FAT3: variants seen among roughly 807,000 people sequenced by gnomAD.
FAT3 encodes FAT atypical cadherin 3.
In FAT3, 95 loss-of-function variants were observed where a neutral mutation model predicts 310.2. The ratio of observed to expected loss-of-function variants is 0.31; its 90% CI spans 0.26 to 0.36. The LOEUF (loss-of-function observed/expected upper bound fraction) is 0.36. Among genes scored for constraint, FAT3 ranks in the 10% least tolerant of loss-of-function variants. FAT3 has a pLI of 1.00. For missense variants in FAT3, 5,408 were observed against 5,715.6 expected, an observed-to-expected ratio of 0.95 and a Z score of 1.74; for synonymous variants, 2,314 against 2,192.9, an observed-to-expected ratio of 1.06 and a Z score of -1.54.
chr11:92,861,220 C>T (rs1451468713), intron 21 of FAT3, among the ~76,000 whole-genome samples: 1 of 152,202 alleles, frequency 6.6e-6, no homozygotes, highest in African/African-American at 2.4e-5. Context: ...ACGTGGGCCT[C>T]ACTGACCTTT....
intron 22 of FAT3, among the ~76,000 whole-genome samples, chr11:92,879,257 G>A (rs1440556833): frequency 3.9e-5 from 6 of 152,306 alleles, no homozygotes; most frequent in Admixed American, 6.5e-5. Context: ...TGTGGAATGC[G>A]TTCTAGTGAA....
At chr11:92,425,427 G>A (rs1287536303) in intron 2 of FAT3, among the ~76,000 whole-genome samples, 1 of 151,824 alleles carries the variant, frequency 6.6e-6, no homozygotes, top group Non-Finnish European at 1.5e-5. Flanking sequence ...TGGGATACAC[G>A]TACAGAACGT....
chr11:92,320,918 T>C (rs183028235), intron 1 of FAT3, among the ~76,000 whole-genome samples: 279 of 152,058 alleles, frequency 1.8e-3, no homozygotes, highest in African/African-American at 6.3e-3. Context: ...TAGACCATTT[T>C]CCCCCTTTTT....
chr11:92,593,182 C>T (rs796403552), intron 3 of FAT3, among the ~76,000 whole-genome samples: 3 of 130,626 alleles, frequency 2.3e-5, no homozygotes, highest in African/African-American at 9.2e-5. Context: ...TGTGTGCATA[C>T]CACATTTTTT....
chr11:92,576,863 A>C (rs1218890683), intron 3 of FAT3, among the ~76,000 whole-genome samples: 2 of 151,758 alleles, frequency 1.3e-5, no homozygotes, highest in Non-Finnish European at 2.9e-5. Flanking sequence ...TTTTTTAAAT[A>C]TCAATGTATA....
intron 20 of FAT3, among the ~76,000 whole-genome samples, chr11:92,858,148 C>T (rs565579897): frequency 6.6e-6 from 1 of 152,294 alleles, no homozygotes; most frequent in Non-Finnish European, 1.5e-5. Flanking sequence ...GCATTGAGTT[C>T]TAGAAATTCA....
At position 92,352,629 on chromosome 11, in the gene FAT3, C is replaced by G. The variant is rs1428285887; in HGVS notation, c.517C>G (p.Leu173Val). The G allele has an allele frequency of 6.2e-7, 1 of 1,613,808 alleles. No homozygotes were observed. The highest frequency in any genetic ancestry group is 1.1e-5 in the South Asian group (1 of 91,084). ...TGTTACCATAGCAGAAAGCACACCTCTAAGGACTAGTGTTGCCCAGGTGAC... is the reference window on the plus strand; with the variant it reads ...TGTTACCATAGCAGAAAGCACACCTGTAAGGACTAGTGTTGCCCAGGTGAC... The part of the protein sequence containing the change: ...YSVTIAESTP[L>V]RTSVAQVTAT... The change falls in exon 2 of 28, where the codon CTA becomes GTA. Residue 173 changes from leucine (L) to valine (V), a missense_variant. By Grantham distance (32) the Leu-to-Val change is conservative. Around this residue, in one of 5 missense-constraint regions of FAT3, gnomAD observed 4,588 missense variants for 4,809.8 expected, o/e 0.95. Coordinates refer to ENST00000525166, the MANE Select transcript of FAT3 (RefSeq NM_001367949.2).
chr11:92,527,177 G>A (rs1032429221), intron 3 of FAT3, among the ~76,000 whole-genome samples: 19 of 152,174 alleles, frequency 1.2e-4, no homozygotes, highest in African/African-American at 4.1e-4. Context: ...TGCTTGCTCT[G>A]TGCTTTCTAA....
At chr11:92,656,156 C>T (rs1412720239) in intron 3 of FAT3, among the ~76,000 whole-genome samples, 2 of 152,154 alleles carry the variant, frequency 1.3e-5, no homozygotes, top group Non-Finnish European at 2.9e-5. Context: ...CTCTTTTTGA[C>T]ATACGTTCCT....
intron 3 of FAT3, among the ~76,000 whole-genome samples, chr11:92,552,792 A>G (rs1162320990): frequency 6.6e-6 from 1 of 152,050 alleles, no homozygotes; most frequent in African/African-American, 2.4e-5. Flanking sequence ...AGAAAAAAAA[A>G]AAGAATTGTT....
intron 1 of FAT3, among the ~76,000 whole-genome samples, chr11:92,278,882 G>C (rs1946350375): frequency 6.6e-6 from 1 of 152,102 alleles, no homozygotes; most frequent in Non-Finnish European, 1.5e-5. Flanking sequence ...GTAGGATATG[G>C]TCCATGCCTG....
chr11:92,819,865 A>G lies in FAT3; in HGVS notation c.9481+9789A>G, dbSNP rs143240232. Among the ~76,000 whole-genome samples the G allele has an allele frequency of 9.9e-3, 1,502 of 152,314 alleles. 29 individuals carry two copies. Among genetic ancestry groups the G allele is most frequent in the African/African-American group, 0.035 (1,435 of 41,580 alleles). On this transcript the variant is annotated intron_variant, in intron 13 of 27. Coordinates refer to ENST00000525166, the MANE Select transcript of FAT3 (RefSeq NM_001367949.2). ...GTGACTTGTTGCCTACATTTATTGT[A>G]GAATGTGACACTAAAGCCAGTTAGA...
chr11:92,852,850 G>GA (rs1948867403), intron 19 of FAT3, among the ~76,000 whole-genome samples: 1 of 152,148 alleles, frequency 6.6e-6, no homozygotes, highest in Admixed American at 6.5e-5. Context: ...AAGGAAATAA[G>GA]AAAAAGAGCT....
At chr11:92,702,897 G>T (rs1944145519) in intron 4 of FAT3, among the ~76,000 whole-genome samples, 1 of 152,186 alleles carries the variant, frequency 6.6e-6, no homozygotes, top group Non-Finnish European at 1.5e-5. Flanking sequence ...ACAAGGCCCA[G>T]TAACCAGTGT....
chr11:92,553,477 A>C (rs186344340), intron 3 of FAT3, among the ~76,000 whole-genome samples: 3 of 152,302 alleles, frequency 2.0e-5, no homozygotes, highest in African/African-American at 7.2e-5. Context: ...GTGTGTTCTG[A>C]CATTGGGTTC....
At chr11:92,708,609 G>A (rs1251903618) in intron 4 of FAT3, among the ~76,000 whole-genome samples, 1 of 152,194 alleles carries the variant, frequency 6.6e-6, no homozygotes, top group Non-Finnish European at 1.5e-5. Flanking sequence ...GATTCCTGAA[G>A]CAGTCATCTT....
At chr11:92,274,626 T>G (rs1401169201) in intron 1 of FAT3, among the ~76,000 whole-genome samples, 1 of 152,124 alleles carries the variant, frequency 6.6e-6, no homozygotes, top group Non-Finnish European at 1.5e-5. Flanking sequence ...GTACAGATAT[T>G]TTTAAACCTT....
Position 92,800,632 on chromosome 11 carries a change from C to T in FAT3, c.7619C>T (p.Ala2540Val). ...AGCTATGCCATCATCAATGACTTTG[C>T]CAAGGATCGATTCCTCATAGACAGC... is the stretch of plus-strand genomic sequence containing the variant. ...QISYAIINDF[A>V]KDRFLIDSNG... The change falls in exon 10 of 28, where the codon GCC becomes GTC. Residue 2540 changes from alanine (A) to valine (V), a missense_variant. Ala to Val is a moderately conservative substitution (Grantham distance 64). Transcript: ENST00000525166. The T allele has an allele frequency of 6.2e-7, 1 of 1,613,646 alleles. No individual in the cohort carries two copies. Among genetic ancestry groups the T allele is most frequent in the Non-Finnish European group, 8.5e-7 (1 of 1,179,784 alleles).
At chr11:92,304,983 T>C (rs1232844239) in intron 1 of FAT3, among the ~76,000 whole-genome samples, 4 of 152,164 alleles carry the variant, frequency 2.6e-5, no homozygotes, top group African/African-American at 9.6e-5. Context: ...AAATGAGACC[T>C]GCTGGATATG....
Sources: allele counts gnomAD v4.1 joint callset (sites outside exome capture counted in the v4.1 genomes callset), GRCh38; gene constraint gnomAD v4.1.1; regional missense constraint gnomAD v4.1.1; transcripts MANE v1.5; gene names NCBI Gene and HGNC (gene_info 2026-07-23, HGNC 2026-07-21).